KATNIP: variants seen among roughly 807,000 people sequenced by gnomAD.
KATNIP encodes the protein katanin interacting protein.
KATNIP carries 126 observed loss-of-function variants against 174.0 expected under a neutral mutation model. The observed-to-expected ratio is 0.72, with a 90% CI of 0.63 to 0.84. The LOEUF (loss-of-function observed/expected upper bound fraction) is 0.84, where lower values mean the gene tolerates loss of function less well. Ranked by LOEUF, KATNIP falls within the 40% of genes least tolerant of loss-of-function variation. The pLI is 0.00. For missense variants in KATNIP, 1,958 were observed against 2,109.7 expected, an observed-to-expected ratio of 0.93 and a Z score of 1.41; for synonymous variants, 810 against 835.7, an observed-to-expected ratio of 0.97 and a Z score of 0.53.
At chr16:27,655,133 C>A (rs1015853768) in intron 6 of KATNIP, among the ~76,000 whole-genome samples, 7 of 128,442 alleles carry the variant, frequency 5.4e-5, no homozygotes, top group African/African-American at 2.0e-4. Flanking sequence ...TGTCTCAAAA[C>A]AAATATACAA....
intron 8 of KATNIP, among the ~76,000 whole-genome samples, chr16:27,694,393 T>C (rs1211443460): frequency 1.3e-5 from 2 of 152,212 alleles, no homozygotes; most frequent in African/African-American, 2.4e-5. Context: ...CAAGTATACA[T>C]AGATCCCCCA....
At chr16:27,609,919 G>A (rs2075840093) in intron 2 of KATNIP, among the ~76,000 whole-genome samples, 1 of 152,132 alleles carries the variant, frequency 6.6e-6, no homozygotes, top group Non-Finnish European at 1.5e-5. Context: ...AAGTCTTGAA[G>A]GAGGAAAGGA....
intron 2 of KATNIP, among the ~76,000 whole-genome samples, chr16:27,577,553 G>A (rs533648030): frequency 4.0e-5 from 6 of 151,606 alleles, no homozygotes; most frequent in East Asian, 3.9e-4. Context: ...TTAGCCGGAC[G>A]TGGTGGCAGG....
At chr16:27,640,004 C>T (rs2142246887) in intron 5 of KATNIP, among the ~76,000 whole-genome samples, 1 of 152,306 alleles carries the variant, frequency 6.6e-6, no homozygotes, top group South Asian at 2.1e-4. Context: ...ATGGGGCAGC[C>T]CCCAGCCTTG....
intron 18 of KATNIP, among the ~76,000 whole-genome samples, chr16:27,758,490 G>A (rs2081819974): frequency 6.6e-6 from 1 of 152,168 alleles, no homozygotes; most frequent in Non-Finnish European, 1.5e-5. Context: ...ATAAGATGCA[G>A]ATCAGATCAT....
At chr16:27,716,636 G>A (rs1177757864) in intron 13 of KATNIP, among the ~76,000 whole-genome samples, 1 of 152,042 alleles carries the variant, frequency 6.6e-6, no homozygotes, top group Non-Finnish European at 1.5e-5. Flanking sequence ...ATATTTCTAT[G>A]CAGTGTTATC....
At chr16:27,561,009 CT>C (rs979221320) in intron 1 of KATNIP, among the ~76,000 whole-genome samples, 19 of 148,428 alleles carry the variant, frequency 1.3e-4, no homozygotes, top group African/African-American at 2.5e-4. Context: ...TCCTTTTTGT[CT>C]TTTTTTTTTC....
rs1236283892 is a variant in KATNIP at position 27,636,042 on chromosome 16, A to G, written c.408+4880A>G. The stretch of plus-strand genomic sequence containing the variant: ...GTAGCGCACACCTCTAGTCCCAGCT[A>G]CTGAGGAGGCTGAGACAGTTAGGAT... On this transcript the variant is annotated intron_variant, in intron 5 of 27. Coordinates refer to ENST00000261588, the MANE Select transcript of KATNIP (RefSeq NM_015202.5). 1.1e-4 allele frequency among the ~76,000 whole-genome samples: 17 copies of G among 152,126 alleles called. 1 individual carries two copies.
At chr16:27,668,130 T>C (rs1040109211) in intron 6 of KATNIP, among the ~76,000 whole-genome samples, 1 of 152,198 alleles carries the variant, frequency 6.6e-6, no homozygotes, top group Non-Finnish European at 1.5e-5. Flanking sequence ...TGCCCCTGAC[T>C]TTCATCCCTC....
intron 7 of KATNIP, among the ~76,000 whole-genome samples, chr16:27,679,869 G>A (rs1376520546): frequency 6.6e-6 from 1 of 151,600 alleles, no homozygotes; most frequent in Non-Finnish European, 1.5e-5. Flanking sequence ...CACCATGTTT[G>A]TTCTCACCCC....
At chr16:27,686,898 C>T (rs2078544895) in intron 8 of KATNIP, among the ~76,000 whole-genome samples, 1 of 152,174 alleles carries the variant, frequency 6.6e-6, no homozygotes, top group Admixed American at 6.5e-5. Flanking sequence ...AACTTAAATA[C>T]TGTTGTATGC....
At chr16:27,730,433 A>G (rs913541769) in intron 14 of KATNIP, among the ~76,000 whole-genome samples, 6 of 152,170 alleles carry the variant, frequency 3.9e-5, no homozygotes, top group African/African-American at 1.2e-4. Flanking sequence ...TCTCATTTGC[A>G]GTACTTGTCT....
chr16:27,750,157 AC>A lies in KATNIP; in HGVS notation c.3200del (p.Pro1067LeufsTer6). 2 of 1,613,974 alleles carry A rather than the reference AC, an allele frequency of 1.2e-6. No homozygotes were observed. The highest frequency in any genetic ancestry group is 1.7e-6 in the Non-Finnish European group (2 of 1,180,008). ...RSHSITIDFT[H>X]PCHVALIRIW... Reference sequence around the variant, plus strand: ...CACTCCATCACCATTGACTTCACGCACCCTTGCCACGTTGCCCTGATCAGAA... The same window carrying A: ...CACTCCATCACCATTGACTTCACGCACCTTGCCACGTTGCCCTGATCAGAA... On this transcript the variant is annotated frameshift_variant, in exon 16 of 28. Coordinates refer to ENST00000261588, the MANE Select transcript of KATNIP (RefSeq NM_015202.5). LOFTEE classifies it high-confidence loss of function.
chr16:27,723,928 C>T (rs750557846), intron 14 of KATNIP, among the ~76,000 whole-genome samples: 14 of 152,208 alleles, frequency 9.2e-5, no homozygotes, highest in Non-Finnish European at 1.5e-4. Flanking sequence ...CGAGGCACCT[C>T]GAGTCAGGAA....
chr16:27,707,774 T>G (rs180837862), intron 12 of KATNIP, among the ~76,000 whole-genome samples: 96 of 152,370 alleles, frequency 6.3e-4, no homozygotes, highest in Admixed American at 5.1e-3. Context: ...GGCTTGCAGA[T>G]AGCTGCCTTC....
chr16:27,578,499 A>G (rs1431678258), intron 2 of KATNIP, among the ~76,000 whole-genome samples: 2 of 152,154 alleles, frequency 1.3e-5, no homozygotes, highest in Admixed American at 6.5e-5. Context: ...ATGAGCCCCA[A>G]ATAAAGCTCC....
chr16:27,690,654 C>G (rs2078698721), intron 8 of KATNIP, among the ~76,000 whole-genome samples: 1 of 152,222 alleles, frequency 6.6e-6, no homozygotes, highest in Non-Finnish European at 1.5e-5. Flanking sequence ...CCCCACCTCC[C>G]TCTTGGCTTT....
Position 27,777,543 on chromosome 16 carries a change from C to T in KATNIP, c.4552-67C>T, listed in dbSNP as rs997568704. On this transcript the variant is annotated intron_variant, in intron 25 of 27. Transcript: ENST00000261588. The surrounding 1 kb of genome is among the most constrained non-coding windows in gnomAD (Gnocchi z 4.4). The stretch of plus-strand genomic sequence containing the variant: ...AAAGCCTTGGCTCAGAGCAGTAACG[C>T]GTTCTGCCCAAGGTCAACGTGGGAG... The T allele has an allele frequency of 5.4e-5, 80 of 1,474,566 alleles. No individual in the cohort carries two copies. Among genetic ancestry groups the T allele is most frequent in the African/African-American group, 2.7e-4 (19 of 71,502 alleles). The allele number at this position is 1,474,566 out of a possible 1,614,324, so 91.3% of individuals were successfully genotyped here.
intron 7 of KATNIP, among the ~76,000 whole-genome samples, chr16:27,681,026 C>T (rs1429719360): frequency 6.6e-6 from 1 of 152,110 alleles, no homozygotes; most frequent in Non-Finnish European, 1.5e-5. Context: ...GAGACAGGGT[C>T]TCACTATGTT....
Sources: gnomAD v4.1 joint callset for allele counts (sites outside exome capture counted in the v4.1 genomes callset) on GRCh38, gnomAD v4.1.1 for gene constraint, Gnocchi (gnomAD v3.1) non-coding constraint, MANE v1.5 for transcripts, NCBI Gene and HGNC (gene_info 2026-07-23, HGNC 2026-07-21) for gene names.